The following CD1B variants were observed in gnomAD, a reference collection of about 807,000 sequenced individuals.
CD1B encodes the protein T-cell surface glycoprotein CD1b.
CD1B carries 43 observed loss-of-function variants against 39.8 expected under a neutral mutation model. The ratio of observed to expected loss-of-function variants is 1.08; its 90% confidence interval spans 0.85 to 1.39. CD1B has a LOEUF of 1.39. Among genes scored for constraint, CD1B ranks in the 40% most tolerant of loss-of-function variants. The pLI, the probability that CD1B is intolerant of heterozygous loss-of-function variation, is 0.00. For missense variants in CD1B, 495 were observed against 403.8 expected (o/e 1.23, Z -1.94); for synonymous variants, 192 against 152.5 (o/e 1.26, Z -1.91).
At chr1:158,318,929 G>A in the CD1B span, among the ~76,000 whole-genome samples, 5 of 152,092 alleles carry the variant, frequency 3.3e-5, no homozygotes, top group Non-Finnish European at 7.3e-5. Context: ...ATGAAGCTTA[G>A]TTTGGCTGGA....
chr1:158,291,479 C>G, the CD1B span: 1 of 1,423,370 alleles, frequency 7.0e-7, no homozygotes, highest in Non-Finnish European at 9.8e-7. Flanking sequence ...ATTTTTGGGC[C>G]ATTTCCCATT....
At chr1:158,331,312 T>TA (rs1236383776) in intron 1 of CD1B, 51 bp downstream of exon 1, 1 of 1,556,908 alleles carries the variant, frequency 6.4e-7, no homozygotes, top group Admixed American at 1.7e-5. Flanking sequence ...GCTTGCTTTT[T>TA]AAAATCCAAA....
chr1:158,295,261 G>C, the CD1B span, among the ~76,000 whole-genome samples: 1 of 152,006 alleles, frequency 6.6e-6, no homozygotes, highest in Non-Finnish European at 1.5e-5. Flanking sequence ...TGGATGGAGG[G>C]AGAATGCAGA....
At chr1:158,296,131 G>A in the CD1B span, among the ~76,000 whole-genome samples, 2 of 151,920 alleles carry the variant, frequency 1.3e-5, no homozygotes, top group African/African-American at 2.4e-5. Flanking sequence ...TGTGAGAGCA[G>A]ACCCCCACCG....
At chr1:158,290,824 T>G in the CD1B span, among the ~76,000 whole-genome samples, 1 of 152,188 alleles carries the variant, frequency 6.6e-6, no homozygotes, top group South Asian at 2.1e-4. Context: ...GTGGTGACAA[T>G]GCAGATAGTA....
Position 158,329,960 on chromosome 1 carries a change from T to G in CD1B, c.499A>C (p.Ile167Leu). 1 of 1,613,996 alleles carries G rather than the reference T, an allele frequency of 6.2e-7. No homozygotes were observed. Among genetic ancestry groups the G allele is most frequent in the Non-Finnish European group, 8.5e-7 (1 of 1,179,984 alleles). The change falls in exon 3 of 6, where the codon ATA becomes CTA. Residue 167 changes from isoleucine to leucine, a missense_variant. By Grantham distance (5) the Ile-to-Leu change is conservative. Transcript: ENST00000368168. ...GTTTCCATGATACCTTGATATTGTA[T>G]GATTAGTGCACAGAATTTCTGTGCC... The part of the protein sequence containing the change: ...SRAQKFCALI[I>L]QYQGIMETVR...
At chr1:158,318,057 T>C in the CD1B span, among the ~76,000 whole-genome samples, 1 of 152,328 alleles carries the variant, frequency 6.6e-6, no homozygotes, top group African/African-American at 2.4e-5. Flanking sequence ...TTCCTTTACA[T>C]TTGCTGAGGA....
chr1:158,318,304 C>G, the CD1B span, among the ~76,000 whole-genome samples: 1 of 152,154 alleles, frequency 6.6e-6, no homozygotes. Context: ...GTCTAAGTCT[C>G]TTTGTAGGTC....
chr1:158,300,642 CATT>C, the CD1B span, among the ~76,000 whole-genome samples: 1 of 151,888 alleles, frequency 6.6e-6, no homozygotes, highest in Non-Finnish European at 1.5e-5. Flanking sequence ...TGTAAGGACT[CATT>C]ATATGAATCT....
chr1:158,321,983 A>AT, the CD1B span, among the ~76,000 whole-genome samples: 1 of 152,194 alleles, frequency 6.6e-6, no homozygotes, highest in Admixed American at 6.5e-5. Flanking sequence ...ATAACAAGTT[A>AT]TTTTAAGCTA....
chr1:158,323,322 T>G (rs532306844), downstream of CD1B, among the ~76,000 whole-genome samples: 1 of 152,062 alleles, frequency 6.6e-6, no homozygotes, highest in African/African-American at 2.4e-5. Flanking sequence ...ATCTTTTAGC[T>G]CTAGGATTTC....
At chr1:158,324,408 A>G (rs919607394), downstream of CD1B, among the ~76,000 whole-genome samples, 7 of 152,310 alleles carry the variant, frequency 4.6e-5, no homozygotes, top group African/African-American at 1.4e-4. Flanking sequence ...GTTGGGGGAT[A>G]TGAGTGGGTT....
In CD1B at chr1:158,329,664, G is replaced by GA. The variant is rs374638151; in HGVS notation, c.608-17dup. 4.4e-6 allele frequency: 7 copies of GA among 1,598,988 alleles called. No homozygotes were observed. The Admixed American group carries it at 5.4e-5, about 12-fold the overall frequency. ...TCAGGCTTCACTAAGGCAGGAAGGA[G>GA]AAAAAAAAGTGTCATGTTATAACTC... On this transcript the variant is annotated splice_polypyrimidine_tract_variant and intron_variant, in intron 3 of 5. Transcript: ENST00000368168.
chr1:158,330,894 C>G lies in CD1B; in HGVS notation c.230G>C (p.Ser77Thr), dbSNP rs201983045. 6.2e-7 allele frequency: 1 copy of G among 1,614,014 alleles called. No homozygotes were observed. The highest frequency in any genetic ancestry group is 2.2e-5 in the East Asian group (1 of 44,896). ...CTCTAACTCAGCAACCTCCTTATCA[C>G]TAAAGTTACCTTTAGACCAAGGCTT... ...FLKPWSKGNF[S>T]DKEVAELEEI... The change falls in exon 2 of 6, where the codon AGT becomes ACT. Residue 77 changes from serine to threonine, a missense_variant. By Grantham distance (58) the Ser-to-Thr change is moderately conservative (BLOSUM62 1). Transcript: ENST00000368168.
chr1:158,297,663 C>T, the CD1B span, among the ~76,000 whole-genome samples: 1 of 151,936 alleles, frequency 6.6e-6, no homozygotes, highest in Non-Finnish European at 1.5e-5. Flanking sequence ...GAAACAAGAC[C>T]CTGGCTCATG....
At chr1:158,318,381 C>T in the CD1B span, among the ~76,000 whole-genome samples, 18 of 152,174 alleles carry the variant, frequency 1.2e-4, no homozygotes, top group African/African-American at 3.4e-4. Flanking sequence ...GGATAGTTAA[C>T]TCTTCTTGTT....
the CD1B span, among the ~76,000 whole-genome samples, chr1:158,314,651 A>AT: frequency 2.0e-5 from 3 of 147,178 alleles, no homozygotes; most frequent in East Asian, 2.0e-4. Flanking sequence ...TGTTTTTTTT[A>AT]TTTTTTTATT....
chr1:158,297,818 C>G, the CD1B span, among the ~76,000 whole-genome samples: 1 of 151,854 alleles, frequency 6.6e-6, no homozygotes, highest in Admixed American at 6.6e-5. Context: ...GCCTGTAGTC[C>G]CAGCTACTGA....
At chr1:158,323,012 T>C (rs917097538), downstream of CD1B, among the ~76,000 whole-genome samples, 2 of 152,172 alleles carry the variant, frequency 1.3e-5, no homozygotes, top group African/African-American at 4.8e-5. Flanking sequence ...TGACCTTCCT[T>C]TACTTGAGCA....
Sources: allele counts gnomAD v4.1 joint callset (sites outside exome capture counted in the v4.1 genomes callset), GRCh38; gene constraint gnomAD v4.1.1; transcripts MANE v1.5; gene names NCBI Gene and HGNC (gene_info 2026-07-23, HGNC 2026-07-21).